NRG1: variants seen among roughly 807,000 people sequenced by gnomAD.
NRG1 encodes the protein neuregulin 1, also known as pro-neuregulin-1, membrane-bound isoform.
NRG1 carries 18 observed loss-of-function variants against 63.8 expected under a neutral mutation model. The observed-to-expected ratio is 0.28, with a 90% CI of 0.19 to 0.42. The LOEUF is 0.42. NRG1 is among the 10% of genes least tolerant of loss of function. NRG1 has a pLI of 1.00. For synonymous variants in NRG1, 302 were observed against 301.3 expected, an observed-to-expected ratio of 1.00 and a Z score of -0.02; for missense variants, 762 against 814.7, an observed-to-expected ratio of 0.94 and a Z score of 0.79.
intron 1 of NRG1, among the ~76,000 whole-genome samples, chr8:32,537,714 TAC>T (rs1161684597): frequency 6.6e-6 from 1 of 152,178 alleles, no homozygotes; most frequent in Non-Finnish European, 1.5e-5. Context: ...TGGTGACTGA[TAC>T]AGTCAATATT....
chr8:31,692,215 A>G (rs148853735), intron 1 of NRG1, among the ~76,000 whole-genome samples: 182 of 152,356 alleles, frequency 1.2e-3, no homozygotes, highest in African/African-American at 4.0e-3. Flanking sequence ...ACATATCTAA[A>G]TTCTTCATAA....
chr8:32,147,992 AC>A (rs1226941964), intron 1 of NRG1, among the ~76,000 whole-genome samples: 5 of 152,214 alleles, frequency 3.3e-5, no homozygotes, highest in African/African-American at 1.2e-4. Context: ...CACTGGATAA[AC>A]ATAGTGGTCA....
chr8:31,908,222 G>A (rs971753184), intron 1 of NRG1, among the ~76,000 whole-genome samples: 4 of 152,212 alleles, frequency 2.6e-5, no homozygotes, highest in Non-Finnish European at 2.9e-5. Context: ...AGATTAAAAT[G>A]TGACTCTGTG....
chr8:32,119,876 T>G (rs1190226476), intron 1 of NRG1, among the ~76,000 whole-genome samples: 1 of 152,116 alleles, frequency 6.6e-6, no homozygotes, highest in Non-Finnish European at 1.5e-5. Flanking sequence ...CATTTGAAAG[T>G]TTTTGATCTA....
chr8:32,712,007 G>C (rs566574216), intron 5 of NRG1, among the ~76,000 whole-genome samples: 4 of 152,084 alleles, frequency 2.6e-5, no homozygotes, highest in African/African-American at 9.7e-5. Context: ...GTGAGCCTGC[G>C]TAGGTAATAA....
chr8:32,063,825 G>A (rs1824290624), intron 1 of NRG1, among the ~76,000 whole-genome samples: 1 of 151,684 alleles, frequency 6.6e-6, no homozygotes, highest in Admixed American at 6.6e-5. Context: ...CTTATATAAA[G>A]TTTTTTTTGT....
At chr8:32,333,104 T>C (rs895082602) in intron 1 of NRG1, among the ~76,000 whole-genome samples, 1 of 152,210 alleles carries the variant, frequency 6.6e-6, no homozygotes, top group Non-Finnish European at 1.5e-5. Flanking sequence ...TCTGCTCTCA[T>C]CCTACCAGAG....
At chr8:32,458,138 G>C (rs1428702375) in intron 1 of NRG1, among the ~76,000 whole-genome samples, 1 of 151,996 alleles carries the variant, frequency 6.6e-6, no homozygotes, top group South Asian at 2.1e-4. Context: ...GGATGGTCTC[G>C]ATCTCTTGAC....
intron 1 of NRG1, among the ~76,000 whole-genome samples, chr8:31,800,799 G>A (rs981645202): frequency 1.3e-5 from 2 of 151,324 alleles, no homozygotes; most frequent in African/African-American, 4.9e-5. Context: ...GTTAAAATCG[G>A]GGATAACATT....
intron 1 of NRG1, among the ~76,000 whole-genome samples, chr8:32,336,644 C>T (rs1352991426): frequency 6.6e-6 from 1 of 152,164 alleles, no homozygotes; most frequent in African/African-American, 2.4e-5. Flanking sequence ...AAGTCTTGCT[C>T]TGTCACCCAG....
At chr8:31,982,079 G>A (rs1039054771) in intron 1 of NRG1, among the ~76,000 whole-genome samples, 3 of 151,878 alleles carry the variant, frequency 2.0e-5, no homozygotes, top group African/African-American at 7.2e-5. Context: ...AGCTCAAGGA[G>A]ACAGTGGGAG....
At chr8:32,255,468 T>A (rs1360049403) in intron 1 of NRG1, among the ~76,000 whole-genome samples, 1 of 152,210 alleles carries the variant, frequency 6.6e-6, no homozygotes, top group Admixed American at 6.5e-5. Flanking sequence ...TTTGGCTGGA[T>A]ATGTAATTCT....
chr8:31,989,450 G>C (rs999720135), intron 1 of NRG1, among the ~76,000 whole-genome samples: 3 of 151,592 alleles, frequency 2.0e-5, no homozygotes, highest in East Asian at 2.0e-4. Context: ...AGTTTGCATC[G>C]TCTTCATACA....
chr8:32,624,012 G>A (rs1848764808), intron 5 of NRG1, among the ~76,000 whole-genome samples: 1 of 152,100 alleles, frequency 6.6e-6, no homozygotes, highest in South Asian at 2.1e-4. Context: ...ATTGATACTT[G>A]CATCATACTT....
chr8:32,698,576 G>A (rs762202408), intron 5 of NRG1, among the ~76,000 whole-genome samples: 20 of 152,186 alleles, frequency 1.3e-4, no homozygotes, highest in Non-Finnish European at 2.2e-4. Flanking sequence ...GAGCATTCAC[G>A]GGAAGGAAGA....
chr8:32,390,874 A>T (rs572280878), intron 1 of NRG1, among the ~76,000 whole-genome samples: 6 of 152,126 alleles, frequency 3.9e-5, no homozygotes, highest in Admixed American at 6.5e-5. Context: ...TGTTGAATTA[A>T]GAAAATTAAA....
At chr8:31,891,965 A>G (rs1010878865) in intron 1 of NRG1, among the ~76,000 whole-genome samples, 13 of 152,062 alleles carry the variant, frequency 8.5e-5, no homozygotes, top group Non-Finnish European at 1.8e-4. Context: ...TAAATGAAGA[A>G]CAGATTAGTG....
intron 1 of NRG1, among the ~76,000 whole-genome samples, chr8:31,915,175 G>A (rs1413792145): frequency 6.6e-6 from 1 of 151,896 alleles, no homozygotes; most frequent in Non-Finnish European, 1.5e-5. Context: ...CTGAGGACTG[G>A]TGATTCAAAA....
intron 1 of NRG1, among the ~76,000 whole-genome samples, chr8:32,299,396 G>T (rs1855328115): frequency 6.6e-6 from 1 of 152,142 alleles, no homozygotes; most frequent in South Asian, 2.1e-4. Flanking sequence ...ATATCTGTTT[G>T]CATGTTAACA....
Sources: allele counts gnomAD v4.1 joint callset (sites outside exome capture counted in the v4.1 genomes callset), GRCh38; gene constraint gnomAD v4.1.1; transcripts MANE v1.5; gene names NCBI Gene and HGNC (gene_info 2026-07-23, HGNC 2026-07-21).